NFIB: variants seen among roughly 807,000 people sequenced by gnomAD.
NFIB encodes the protein nuclear factor 1 B-type.
Under a neutral mutation model 61.5 loss-of-function variants are expected in NFIB, and 11 were observed. The observed-to-expected ratio is 0.18, with a 90% CI of 0.11 to 0.30. NFIB has a LOEUF of 0.30. Ranked by LOEUF, NFIB falls within the 10% of genes least tolerant of loss-of-function variation. The probability of loss-of-function intolerance (pLI) is 1.00; values close to 1 mark genes in which losing one functional copy is unlikely to be tolerated. For missense variants in NFIB, 471 were observed against 608.9 expected (o/e 0.77, Z 2.38); for synonymous variants, 260 against 216.5 (o/e 1.20, Z -1.76).
chr9:14,322,335 A>G (rs1555554), intron 1 of NFIB: 235,457 of 255,276 alleles, frequency 0.92, 110,145 homozygotes, highest in Non-Finnish European at 0.98. Flanking sequence ...GTGTGCATGT[A>G]TGTGTGTGTG....
At chr9:14,473,222 G>C in the NFIB span, among the ~76,000 whole-genome samples, 1 of 152,152 alleles carries the variant, frequency 6.6e-6, no homozygotes, top group African/African-American at 2.4e-5. Context: ...AGGAGACCCT[G>C]GGATAATCCC....
rs2038837149 is a variant in NFIB at position 14,120,899 on chromosome 9, G to T, written c.1061-275C>A. ...TACAAAATCAGTTTCTCTTTTATAG[G>T]TTATGTCAATACTTGATAAAACACT... On this transcript the variant is annotated intron_variant, in intron 7 of 10. Coordinates refer to ENST00000380953, the MANE Select transcript of NFIB (RefSeq NM_001190737.2). The surrounding 1 kb of genome is among the most constrained non-coding windows in gnomAD (Gnocchi z 4.4). 6.6e-6 allele frequency among the ~76,000 whole-genome samples: 1 copy of T among 152,054 alleles called. No individual in the cohort carries two copies. The highest frequency in any genetic ancestry group is 1.5e-5 in the Non-Finnish European group (1 of 68,006).
chr9:14,391,170 G>T (rs749622715), intron 1 of NFIB, among the ~76,000 whole-genome samples: 1 of 152,080 alleles, frequency 6.6e-6, no homozygotes, highest in Non-Finnish European at 1.5e-5. Context: ...ACTTTTTAGC[G>T]GAGAAACCTG....
At chr9:14,478,667 T>C in the NFIB span, among the ~76,000 whole-genome samples, 4 of 152,330 alleles carry the variant, frequency 2.6e-5, no homozygotes, top group South Asian at 8.3e-4. Flanking sequence ...ACCTTACTCT[T>C]TTTAATGGCT....
chr9:14,247,143 C>T (rs529974138), intron 2 of NFIB, among the ~76,000 whole-genome samples: 1 of 152,296 alleles, frequency 6.6e-6, no homozygotes, highest in East Asian at 1.9e-4. Context: ...GAAATTTCTA[C>T]CATTTAAGCC....
At chr9:14,460,960 A>T in the NFIB span, among the ~76,000 whole-genome samples, 1 of 152,052 alleles carries the variant, frequency 6.6e-6, no homozygotes, top group Admixed American at 6.6e-5. Flanking sequence ...CCAGAACTTT[A>T]TACGTCTCTG....
At chr9:14,155,592 T>C (rs1023038433) in intron 4 of NFIB, among the ~76,000 whole-genome samples, 1 of 152,186 alleles carries the variant, frequency 6.6e-6, no homozygotes, top group Admixed American at 6.6e-5. Flanking sequence ...ACCAATAACA[T>C]GGCAATCAGA....
the NFIB span, among the ~76,000 whole-genome samples, chr9:14,490,734 G>C: frequency 1.3e-5 from 2 of 152,164 alleles, no homozygotes; most frequent in South Asian, 4.1e-4. Flanking sequence ...AATGCACATT[G>C]AGATATCAAT....
chr9:14,182,708 C>CTCTCTCTCTCTG lies in NFIB; in HGVS notation c.563-2929_563-2928insCAGAGAGAGAGA, dbSNP rs778914837. On this transcript the variant is annotated intron_variant, in intron 2 of 10. Coordinates refer to ENST00000380953, the MANE Select transcript of NFIB (RefSeq NM_001190737.2). ...CCTCTCTCTCTCTCTCTCTCTCTCT[C>CTCTCTCTCTCTG]TGTGTGTGTGTGTGTGTGTGTGTGT... Among the ~76,000 whole-genome samples, 406 of 96,998 alleles carry CTCTCTCTCTCTG rather than the reference C, an allele frequency of 4.2e-3. 4 individuals carry two copies. The highest frequency in any genetic ancestry group is 6.4e-3 in the Non-Finnish European group (319 of 49,776). 63.6% of individuals were successfully genotyped at this position (96,998 alleles called of 152,430 possible).
chr9:14,319,102 C>T (rs1332972543), upstream of NFIB, among the ~76,000 whole-genome samples: 1 of 151,758 alleles, frequency 6.6e-6, no homozygotes, highest in East Asian at 1.9e-4. Flanking sequence ...CCTCTGGGAG[C>T]TATTTGGTGT....
chr9:14,530,147 C>T, the NFIB span, among the ~76,000 whole-genome samples: 2 of 152,110 alleles, frequency 1.3e-5, no homozygotes, highest in Non-Finnish European at 2.9e-5. Context: ...CTTCTTAGAA[C>T]AACGTAAAAT....
chr9:14,345,647 G>T (rs1205802151), intron 1 of NFIB, among the ~76,000 whole-genome samples: 1 of 152,148 alleles, frequency 6.6e-6, no homozygotes, highest in African/African-American at 2.4e-5. Flanking sequence ...AGCGGGCAGC[G>T]GCTAGCTCTG....
the NFIB span, among the ~76,000 whole-genome samples, chr9:14,495,463 T>G: frequency 6.7e-6 from 1 of 149,884 alleles, no homozygotes; most frequent in South Asian, 2.2e-4. Flanking sequence ...TTTTTTTTTT[T>G]TGTCTGAGAG....
At chr9:14,450,177 T>C in the NFIB span, among the ~76,000 whole-genome samples, 4 of 152,040 alleles carry the variant, frequency 2.6e-5, no homozygotes, top group Non-Finnish European at 5.9e-5. Context: ...TGTCCATGTG[T>C]TCTCTTTGTT....
At chr9:14,138,039 T>C (rs1175538763) in intron 6 of NFIB, among the ~76,000 whole-genome samples, 9 of 152,176 alleles carry the variant, frequency 5.9e-5, no homozygotes, top group Admixed American at 5.2e-4. Flanking sequence ...CAGTATTATA[T>C]AGCAATAACG....
chr9:14,410,680 G>A, the NFIB span, among the ~76,000 whole-genome samples: 1 of 152,154 alleles, frequency 6.6e-6, no homozygotes, highest in Non-Finnish European at 1.5e-5. Flanking sequence ...TCTGATAGAT[G>A]CTTTCCTGCT....
chr9:14,150,962 T>C (rs1043681778), intron 4 of NFIB, among the ~76,000 whole-genome samples: 3 of 152,132 alleles, frequency 2.0e-5, no homozygotes, highest in African/African-American at 7.2e-5. Context: ...GTTCACATTT[T>C]TTAAATTTAA....
intron 1 of NFIB, among the ~76,000 whole-genome samples, chr9:14,389,324 C>T (rs967350522): frequency 1.4e-4 from 21 of 152,162 alleles, no homozygotes; most frequent in Non-Finnish European, 2.9e-5. Context: ...CCTTTCTCCT[C>T]CCACCTTTCT....
upstream of NFIB, among the ~76,000 whole-genome samples, chr9:14,402,560 A>T (rs1308230360): frequency 3.9e-5 from 6 of 152,158 alleles, no homozygotes; most frequent in Non-Finnish European, 1.5e-5. Flanking sequence ...TCTCAGATTT[A>T]AAAAAATTAA....
Sources: gnomAD v4.1 joint callset for allele counts (sites outside exome capture counted in the v4.1 genomes callset) on GRCh38, gnomAD v4.1.1 for gene constraint, Gnocchi (gnomAD v3.1) non-coding constraint, MANE v1.5 for transcripts, NCBI Gene and HGNC (gene_info 2026-07-23, HGNC 2026-07-21) for gene names.